KHDRBS2: variants seen among roughly 807,000 people sequenced by gnomAD.
The protein encoded by KHDRBS2 is KH RNA binding domain containing, signal transduction associated 2.
In KHDRBS2, 26 loss-of-function variants were observed where a neutral mutation model predicts 44.3. The observed-to-expected ratio is 0.59, with a 90% CI of 0.43 to 0.81. The LOEUF (loss-of-function observed/expected upper bound fraction) is 0.81, where lower values mean the gene tolerates loss of function less well. Ranked by LOEUF, KHDRBS2 falls within the 40% of genes least tolerant of loss-of-function variation. The pLI, the probability that KHDRBS2 is intolerant of heterozygous loss-of-function variation, is 0.00. For missense variants in KHDRBS2, 476 were observed against 433.1 expected (o/e 1.10, Z -0.88); for synonymous variants, 194 against 151.1 (o/e 1.28, Z -2.08).
intron 2 of KHDRBS2, among the ~76,000 whole-genome samples, chr6:62,171,802 C>T (rs187554245): frequency 1.3e-5 from 2 of 152,108 alleles, no homozygotes; most frequent in Non-Finnish European, 2.9e-5. Context: ...TAAACTACAA[C>T]CAATAATTTC....
chr6:61,639,010 A>G, the KHDRBS2 span, among the ~76,000 whole-genome samples: 1 of 152,108 alleles, frequency 6.6e-6, no homozygotes. Flanking sequence ...CTCTAAGTGG[A>G]GCATCTAGCT....
At chr6:61,723,156 A>AAACAAAC (rs77577480) in intron 7 of KHDRBS2, among the ~76,000 whole-genome samples, 2 of 150,392 alleles carry the variant, frequency 1.3e-5, no homozygotes, top group Non-Finnish European at 3.0e-5. Flanking sequence ...CTGACCATAA[A>AAACAAAC]AAACAAACAA....
intron 3 of KHDRBS2, among the ~76,000 whole-genome samples, chr6:62,019,736 T>G (rs1781906718): frequency 6.6e-6 from 1 of 152,040 alleles, no homozygotes; most frequent in Non-Finnish European, 1.5e-5. Flanking sequence ...CTGCTCATAA[T>G]TTTACTTGCT....
chr6:61,934,395 TTCCC>T lies in KHDRBS2; in HGVS notation c.484-33028_484-33025del, dbSNP rs1351474061. Among the ~76,000 whole-genome samples the T allele has an allele frequency of 3.9e-5, 6 of 152,274 alleles. 1 individual carries two copies. Among genetic ancestry groups the T allele is most frequent in the African/African-American group, 1.2e-4 (5 of 41,556 alleles). On this transcript the variant is annotated intron_variant, in intron 4 of 8. Coordinates refer to ENST00000281156, the MANE Select transcript of KHDRBS2 (RefSeq NM_152688.4). ...TGCCCAGACCAATGTCATGAAGCAT[TTCCC>T]CTAGGAGACTAGCTAATTTTTAAAT... is the stretch of plus-strand genomic sequence containing the variant.
intron 4 of KHDRBS2, among the ~76,000 whole-genome samples, chr6:61,977,252 G>A (rs568576587): frequency 1.3e-5 from 2 of 152,162 alleles, no homozygotes; most frequent in South Asian, 2.1e-4. Context: ...TCTGCCAGAC[G>A]CTCCAGAAAA....
At chr6:62,157,964 GTATT>G (rs1816821684) in intron 2 of KHDRBS2, among the ~76,000 whole-genome samples, 1 of 152,100 alleles carries the variant, frequency 6.6e-6, no homozygotes, top group Non-Finnish European at 1.5e-5. Context: ...CTTCTGTACA[GTATT>G]TATTCCACAG....
intron 2 of KHDRBS2, among the ~76,000 whole-genome samples, chr6:62,128,544 ATCTCTCTCTCTCTC>A (rs5876776): frequency 1.3e-5 from 2 of 148,670 alleles, no homozygotes; most frequent in African/African-American, 4.9e-5. Flanking sequence ...TCTTTTAATG[ATCTCTCTCTCTCTC>A]TCTCTCTCTC....
chr6:61,923,187 A>G (rs73489414), intron 4 of KHDRBS2, among the ~76,000 whole-genome samples: 1,571 of 152,206 alleles, frequency 0.01, 28 homozygotes, highest in African/African-American at 0.036. Context: ...ATAAATGTAA[A>G]GACGTAGCAA....
chr6:61,944,683 TA>T lies in KHDRBS2; in HGVS notation c.483+33382del, dbSNP rs555295164. Among the ~76,000 whole-genome samples, 288 of 152,238 alleles carry T rather than the reference TA, an allele frequency of 1.9e-3. 2 individuals carry two copies. Among genetic ancestry groups the T allele is most frequent in the African/African-American group, 6.2e-3 (259 of 41,558 alleles). On this transcript the variant is annotated intron_variant, in intron 4 of 8. Coordinates refer to ENST00000281156, the MANE Select transcript of KHDRBS2 (RefSeq NM_152688.4). ...AAATGTTGCCAACACATAGAAATGATAAATAGCTAATATGATGGATACCCCA... is the reference window on the plus strand; with the variant it reads ...AAATGTTGCCAACACATAGAAATGATAATAGCTAATATGATGGATACCCCA...
In KHDRBS2 at chr6:61,917,832, A is replaced by G. The variant is rs190276184; in HGVS notation, c.484-16461T>C. On this transcript the variant is annotated intron_variant, in intron 4 of 8. Coordinates refer to ENST00000281156, the MANE Select transcript of KHDRBS2 (RefSeq NM_152688.4). ...ATCAATTAATTTGTTTTGATTGATA[A>G]GAATATGATTTCAATAGCATAATGT... Among the ~76,000 whole-genome samples, 258 of 152,158 alleles carry G rather than the reference A, an allele frequency of 1.7e-3. 2 individuals carry two copies. The highest frequency in any genetic ancestry group is 6.1e-3 in the African/African-American group (253 of 41,556).
At chr6:61,669,045 G>A in the KHDRBS2 span, among the ~76,000 whole-genome samples, 20 of 150,786 alleles carry the variant, frequency 1.3e-4, no homozygotes, top group East Asian at 3.7e-3. Flanking sequence ...CCTCCACAAA[G>A]CCTAAATTCT....
At chr6:61,662,343 G>A in the KHDRBS2 span, among the ~76,000 whole-genome samples, 55 of 151,926 alleles carry the variant, frequency 3.6e-4, no homozygotes, top group African/African-American at 1.3e-3. Context: ...CATGGGCAAG[G>A]ACTTCATGTC....
intron 2 of KHDRBS2, among the ~76,000 whole-genome samples, chr6:62,066,851 G>T (rs1196423889): frequency 6.6e-6 from 1 of 151,500 alleles, no homozygotes. Flanking sequence ...ATGGTATCTA[G>T]ATTATTCAAG....
chr6:61,936,280 T>A (rs1811006884), intron 4 of KHDRBS2, among the ~76,000 whole-genome samples: 1 of 152,098 alleles, frequency 6.6e-6, no homozygotes, highest in Admixed American at 6.6e-5. Context: ...GGGAAATACA[T>A]GTTTTGTTTT....
the KHDRBS2 span, among the ~76,000 whole-genome samples, chr6:61,584,143 TA>T: frequency 6.6e-6 from 1 of 151,772 alleles, no homozygotes; most frequent in African/African-American, 2.4e-5. Flanking sequence ...ATTATCATGT[TA>T]TCTGCATGTC....
intron 6 of KHDRBS2, among the ~76,000 whole-genome samples, chr6:61,751,428 C>A (rs1562093469): frequency 6.6e-6 from 1 of 152,140 alleles, no homozygotes; most frequent in Non-Finnish European, 1.5e-5. Flanking sequence ...GGGTCACACA[C>A]AGAACAATGT....
chr6:61,906,106 A>T (rs1178248311), intron 4 of KHDRBS2, among the ~76,000 whole-genome samples: 1 of 152,098 alleles, frequency 6.6e-6, no homozygotes, highest in Non-Finnish European at 1.5e-5. Flanking sequence ...TCGGCCTCCC[A>T]AAGTGCTGGG....
intron 4 of KHDRBS2, among the ~76,000 whole-genome samples, chr6:61,965,096 T>C (rs1263901135): frequency 6.6e-6 from 1 of 152,068 alleles, no homozygotes; most frequent in Non-Finnish European, 1.5e-5. Context: ...ATGTTGGCTT[T>C]CTAGGGCTGA....
chr6:61,944,690 C>A (rs1281314801), intron 4 of KHDRBS2, among the ~76,000 whole-genome samples: 1 of 152,042 alleles, frequency 6.6e-6, no homozygotes, highest in Non-Finnish European at 1.5e-5. Context: ...TGATAAATAG[C>A]TAATATGATG....
Sources: allele counts gnomAD v4.1 joint callset (sites outside exome capture counted in the v4.1 genomes callset), GRCh38; gene constraint gnomAD v4.1.1; transcripts MANE v1.5; gene names NCBI Gene and HGNC (gene_info 2026-07-23, HGNC 2026-07-21).